Variants in STAG3 observed in about 807,000 individuals in gnomAD.
The protein encoded by STAG3 is cohesin subunit SA-3.
STAG3 carries 101 observed loss-of-function variants against 160.7 expected under a neutral mutation model. The ratio of observed to expected loss-of-function variants is 0.63; its 90% confidence interval spans 0.54 to 0.74. The LOEUF (loss-of-function observed/expected upper bound fraction) is 0.74, where lower values mean the gene tolerates loss of function less well. STAG3 is among the 30% of genes least tolerant of loss of function. The pLI is 0.00. For missense variants in STAG3, 1,188 were observed against 1,517.4 expected (o/e 0.78, Z 3.61); for synonymous variants, 519 against 585.0 (o/e 0.89, Z 1.63).
rs1800293725 is a variant in STAG3, at chr7:100,190,650, C to G, written c.867+1054C>G. Among the ~76,000 whole-genome samples, 3 of 152,120 alleles carry G rather than the reference C, an allele frequency of 2.0e-5. No individual in the cohort carries two copies. The South Asian group carries it at 6.2e-4, about 31-fold the overall frequency. ...CTTCCTCCCCACTATTTTCTTCTCT[C>G]CACTTATAAATGTATATAGGCTCTT... On this transcript the variant is annotated intron_variant, in intron 8 of 33. Coordinates refer to ENST00000615138, the MANE Select transcript of STAG3 (RefSeq NM_001282717.2).
At chr7:100,218,931 A>C (rs1473216352), downstream of STAG3, 1 of 184,370 alleles carries the variant, frequency 5.4e-6, no homozygotes, top group African/African-American at 2.4e-5. Flanking sequence ...CAGGCACTGA[A>C]GATTTTTGGT....
At chr7:100,184,755 C>A (rs1799888433) in intron 4 of STAG3, among the ~76,000 whole-genome samples, 1 of 152,028 alleles carries the variant, frequency 6.6e-6, no homozygotes, top group Non-Finnish European at 1.5e-5. Context: ...TGTGAGCCAC[C>A]ATGCCTGGCC....
chr7:100,202,686 A>G lies in STAG3; in HGVS notation c.2700+96A>G, dbSNP rs903353440. The G allele has an allele frequency of 1.3e-4, 196 of 1,486,054 alleles. 1 individual carries two copies. The highest frequency in any genetic ancestry group is 1.1e-4 in the Non-Finnish European group (121 of 1,111,338). The allele number at this position is 1,486,054 out of a possible 1,614,324, so 92.1% of individuals were successfully genotyped here. ...TAGCACTACAGGTGGGGGATATCCA[A>G]TGGTTTCAAGCTTAAAGGAGAAGTA... is the stretch of plus-strand genomic sequence containing the variant. On this transcript the variant is annotated intron_variant, in intron 25 of 33. Transcript: ENST00000615138.
chr7:100,202,085 C>A, intron 23 of STAG3, 44 bp downstream of exon 23: 1 of 1,610,776 alleles, frequency 6.2e-7, no homozygotes, highest in Non-Finnish European at 8.5e-7. Context: ...AGTATCCCTG[C>A]CCCCATTCCA....
intron 1 of STAG3, among the ~76,000 whole-genome samples, chr7:100,179,198 AC>A (rs1275057330): frequency 2.1e-5 from 3 of 140,926 alleles, no homozygotes; most frequent in African/African-American, 8.0e-5. Flanking sequence ...GGCAGTTTAC[AC>A]TTCTGAAGCC....
At chr7:100,183,569 T>C (rs148654444) in intron 4 of STAG3, among the ~76,000 whole-genome samples, 1,734 of 152,322 alleles carry the variant, frequency 0.011, 15 homozygotes, top group South Asian at 0.02. Flanking sequence ...GTTTAAAAAA[T>C]AAAAATGAAA....
intron 4 of STAG3, among the ~76,000 whole-genome samples, chr7:100,184,938 C>T (rs1228149554): frequency 6.6e-6 from 1 of 152,152 alleles, no homozygotes; most frequent in African/African-American, 2.4e-5. Flanking sequence ...CACTCATTTT[C>T]CCTGGAGTTC....
chr7:100,202,199 C>T lies in STAG3; in HGVS notation c.2422C>T (p.Leu808Phe), dbSNP rs761690421. The part of the protein sequence containing the change: ...QAFVLLSDLL[L>F]IFSPQMIVGG... Reference sequence around the variant, plus strand: ...TTTTGTCTTATTAAGTGATCTACTTCTCATCTTTAGCCCTCAGATGATTGT... The same window carrying T: ...TTTTGTCTTATTAAGTGATCTACTTTTCATCTTTAGCCCTCAGATGATTGT... The change falls in exon 24 of 34, where the codon CTC becomes TTC. Residue 808 changes from leucine (L) to phenylalanine (F), a missense_variant. Leu to Phe is a conservative substitution (Grantham distance 22). Coordinates refer to ENST00000615138, the MANE Select transcript of STAG3 (RefSeq NM_001282717.2). 1.9e-5 allele frequency: 30 copies of T among 1,613,996 alleles called. No individual in the cohort carries two copies. The highest frequency in any genetic ancestry group is 2.5e-5 in the Non-Finnish European group (29 of 1,179,974).
chr7:100,197,337 A>G, intron 10 of STAG3, 58 bp downstream of exon 10: 2 of 1,598,016 alleles, frequency 1.3e-6, no homozygotes, highest in Non-Finnish European at 1.7e-6. Flanking sequence ...GTCCTAGGAC[A>G]TTTCACCTTT....
intron 29 of STAG3, among the ~76,000 whole-genome samples, 171 bp downstream of exon 29, chr7:100,205,555 G>A (rs550931995): frequency 9.8e-5 from 15 of 152,342 alleles, no homozygotes; most frequent in African/African-American, 3.4e-4. Context: ...TAGAGGGCCA[G>A]GTGTGGTGGC....
At chr7:100,195,200 A>T in intron 8 of STAG3, 109 bp from the exon 9 acceptor site, 2 of 936,506 alleles carry the variant, frequency 2.1e-6, no homozygotes, top group Non-Finnish European at 3.5e-6. Context: ...GGTTCACACT[A>T]TCCTATAATA....
At chr7:100,204,480 G>C in intron 26 of STAG3, 147 bp from the exon 27 acceptor site, 2 of 950,806 alleles carry the variant, frequency 2.1e-6, no homozygotes, top group South Asian at 1.8e-5. Flanking sequence ...AGGGGTATCG[G>C]GAGTTCCCTA....
intron 32 of STAG3, 149 bp from the exon 33 acceptor site, chr7:100,213,586 C>G: frequency 6.7e-7 from 1 of 1,485,530 alleles, no homozygotes; most frequent in African/African-American, 1.4e-5. Context: ...ATCCTGGTGC[C>G]CACACTGACT....
Position 100,213,776 on chromosome 7 carries a change from CCT to C in STAG3, c.3645_3646del (p.Leu1216ArgfsTer8). ...CTTCCACCAGTGAGCGCGGGCTGGA[CCT>C]CTTAGATTCTACAGAGCTGGATATT... ...YSSTSERGLD[L>X]LDSTELDIED... On this transcript the variant is annotated frameshift_variant, in exon 33 of 34. Transcript: ENST00000615138. LOFTEE classifies it high-confidence loss of function. The C allele has an allele frequency of 1.2e-6, 2 of 1,614,220 alleles. No individual in the cohort carries two copies. The highest frequency in any genetic ancestry group is 1.1e-5 in the South Asian group (1 of 91,092).
downstream of STAG3, among the ~76,000 whole-genome samples, chr7:100,216,379 A>G (rs1195270136): frequency 2.6e-5 from 4 of 152,218 alleles, no homozygotes; most frequent in African/African-American, 9.7e-5. Context: ...AGTTGACGAA[A>G]TAAGTGTTTT....
At chr7:100,199,489 T>C in intron 15 of STAG3, 52 bp from the exon 16 acceptor site, 2 of 1,569,004 alleles carry the variant, frequency 1.3e-6, no homozygotes, top group Non-Finnish European at 1.7e-6. Flanking sequence ...AGCTTGGAGT[T>C]GGAAGGTGGC....
chr7:100,194,985 A>G (rs7811662), intron 8 of STAG3, among the ~76,000 whole-genome samples: 44,606 of 151,944 alleles, frequency 0.29, 7,219 homozygotes, highest in East Asian at 0.62. Context: ...TAGTTTGTTT[A>G]AAAAAAATCC....
intron 9 of STAG3, among the ~76,000 whole-genome samples, chr7:100,196,629 T>C (rs1193882934): frequency 1.3e-5 from 2 of 152,208 alleles, no homozygotes; most frequent in South Asian, 2.1e-4. Context: ...CCGTCTCTAC[T>C]AAAAATACAA....
chr7:100,207,556 T>C lies in STAG3; in HGVS notation c.3238+2172T>C, dbSNP rs1001953109. Among the ~76,000 whole-genome samples, 1 of 152,242 alleles carries C rather than the reference T, an allele frequency of 6.6e-6. No homozygotes were observed. Among genetic ancestry groups the C allele is most frequent in the African/African-American group, 2.4e-5 (1 of 41,466 alleles). On this transcript the variant is annotated intron_variant, in intron 29 of 33. Transcript: ENST00000615138. This position sits in a 1 kb window ranked among gnomAD's most constrained non-coding sequence, Gnocchi z 4.0. Reference sequence around the variant, plus strand: ...GCCTGTTCTGATCCTTTAGCTATTTTAAAATAGGGTTGTCTTTTTATTGTT... The same window carrying C: ...GCCTGTTCTGATCCTTTAGCTATTTCAAAATAGGGTTGTCTTTTTATTGTT...
Sources: allele counts gnomAD v4.1 joint callset (sites outside exome capture counted in the v4.1 genomes callset), GRCh38; gene constraint gnomAD v4.1.1; non-coding constraint Gnocchi (gnomAD v3.1); transcripts MANE v1.5; gene names NCBI Gene and HGNC (gene_info 2026-07-23, HGNC 2026-07-21).